The following ELK3 variants were observed in gnomAD, a reference collection of about 807,000 sequenced individuals.
The protein encoded by ELK3 is ETS domain-containing protein Elk-3.
A neutral mutation model predicts 28.9 loss-of-function variants in ELK3; 10 were observed. The ratio of observed to expected loss-of-function variants is 0.35; its 90% CI spans 0.21 to 0.59. The LOEUF is 0.59. Ranked by LOEUF, ELK3 falls within the 20% of genes least tolerant of loss-of-function variation. The pLI, the probability that ELK3 is intolerant of heterozygous loss-of-function variation, is 0.82. For missense variants in ELK3, 463 were observed against 517.3 expected, an observed-to-expected ratio of 0.90 and a Z score of 1.02; for synonymous variants, 272 against 243.5, an observed-to-expected ratio of 1.12 and a Z score of -1.09.
intron 2 of ELK3, among the ~76,000 whole-genome samples, chr12:96,225,186 T>C (rs1209846914): frequency 6.6e-6 from 1 of 152,230 alleles, no homozygotes; most frequent in African/African-American, 2.4e-5. Flanking sequence ...AGGAAAACAC[T>C]CCCGTTGCCT....
intron 2 of ELK3, among the ~76,000 whole-genome samples, chr12:96,233,130 C>T (rs1399177727): frequency 6.6e-6 from 1 of 152,098 alleles, no homozygotes. Flanking sequence ...CTCTGCTGGC[C>T]GAGTTGGCCC....
chr12:96,251,265 G>C (rs1951903581), intron 3 of ELK3, among the ~76,000 whole-genome samples: 1 of 152,112 alleles, frequency 6.6e-6, no homozygotes, highest in Admixed American at 6.5e-5. Flanking sequence ...GTATAAGACA[G>C]CAAACTTGAT....
chr12:96,223,557 C>T lies in ELK3; in HGVS notation c.-2-8C>T. On this transcript the variant is annotated splice_region_variant and splice_polypyrimidine_tract_variant and intron_variant, in intron 1 of 4. Coordinates refer to ENST00000228741, the MANE Select transcript of ELK3 (RefSeq NM_005230.4). ...CAGCAGCTCTGACCTGGCCTCCTCT[C>T]CCTGCAGGTATGGAGAGTGCAATCA... 1 of 1,613,874 alleles carries T rather than the reference C, an allele frequency of 6.2e-7. No homozygotes were observed. Among genetic ancestry groups the T allele is most frequent in the Non-Finnish European group, 8.5e-7 (1 of 1,179,920 alleles).
chr12:96,233,971 C>T (rs1041598907), intron 2 of ELK3, among the ~76,000 whole-genome samples: 2 of 152,170 alleles, frequency 1.3e-5, no homozygotes, highest in African/African-American at 4.8e-5. Context: ...TGGGCTATTG[C>T]CTGGGGGCGC....
At chr12:96,200,492 A>C (rs1951501704) in intron 1 of ELK3, among the ~76,000 whole-genome samples, 1 of 152,016 alleles carries the variant, frequency 6.6e-6, no homozygotes, top group Non-Finnish European at 1.5e-5. Context: ...CATGTCCCCA[A>C]GTGTTTTTTG....
chr12:96,247,471 T>C lies in ELK3; in HGVS notation c.739T>C (p.Ser247Pro). The change falls in exon 3 of 5, where the codon TCC (serine) becomes CCC (proline). Residue 247 changes from serine to proline, a missense_variant. By Grantham distance (74) the Ser-to-Pro change is moderately conservative. Around this residue, in one of 2 missense-constraint regions of ELK3, gnomAD observed 408 missense variants for 414.8 expected, o/e 0.98. Transcript: ENST00000228741. This position sits in a 1 kb window ranked among gnomAD's most constrained non-coding sequence, Gnocchi z 5.5. ...SPFSSRSPSLSPNSPLPSEHR... is the reference protein window; with the variant it reads ...SPFSSRSPSLPPNSPLPSEHR... ...CTTCTCATCTCGGTCCCCGTCCCTGTCCCCCAACTCACCCCTCCCTTCTGA... is the reference window on the plus strand; with the variant it reads ...CTTCTCATCTCGGTCCCCGTCCCTGCCCCCCAACTCACCCCTCCCTTCTGA... 8 of 1,613,756 alleles carry C rather than the reference T, an allele frequency of 5.0e-6. No homozygotes were observed. The highest frequency in any genetic ancestry group is 6.8e-6 in the Non-Finnish European group (8 of 1,179,944).
chr12:96,247,076 C>T lies in ELK3; in HGVS notation c.344C>T (p.Ser115Phe), dbSNP rs773841437. Residue 115 changes from serine to phenylalanine, a missense_variant, in exon 3 of 5, where the codon TCT (serine) becomes TTT (phenylalanine). Around this residue, in one of 2 missense-constraint regions of ELK3, gnomAD observed 408 missense variants for 414.8 expected, o/e 0.98. Coordinates refer to ENST00000228741, the MANE Select transcript of ELK3 (RefSeq NM_005230.4). This position sits in a 1 kb window ranked among gnomAD's most constrained non-coding sequence, Gnocchi z 5.5. ...LLLQDSDCKA[S>F]PEGREAHKHG... is the part of the protein sequence containing the mutation. ...CTGCAGGACAGCGACTGCAAGGCGT[C>T]TCCGGAGGGCCGCGAGGCCCACAAA... 1 of 1,613,934 alleles carries T rather than the reference C, an allele frequency of 6.2e-7. No homozygotes were observed. Among genetic ancestry groups the T allele is most frequent in the Non-Finnish European group, 8.5e-7 (1 of 1,179,986 alleles).
At chr12:96,208,150 C>T in intron 1 of ELK3, among the ~76,000 whole-genome samples, 1 of 152,154 alleles carries the variant, frequency 6.6e-6, no homozygotes, top group Non-Finnish European at 1.5e-5. Context: ...CTCCCAGCTC[C>T]TAGCGATTCT....
At chr12:96,215,956 ATTCT>A (rs547714121) in intron 1 of ELK3, among the ~76,000 whole-genome samples, 85 of 152,270 alleles carry the variant, frequency 5.6e-4, no homozygotes, top group South Asian at 1.7e-3. Flanking sequence ...TCATAACTGC[ATTCT>A]TTAAGTGCAA....
At chr12:96,215,155 A>G (rs1183012604) in intron 1 of ELK3, among the ~76,000 whole-genome samples, 1 of 151,574 alleles carries the variant, frequency 6.6e-6, no homozygotes, top group East Asian at 1.9e-4. Flanking sequence ...ACCACATAGA[A>G]GCTTAAGAAA....
chr12:96,258,614 T>A (rs1951969818), intron 3 of ELK3, among the ~76,000 whole-genome samples: 2 of 152,186 alleles, frequency 1.3e-5, no homozygotes, highest in Admixed American at 1.3e-4. Flanking sequence ...AGGGACTCCT[T>A]CTAGTCACCA....
intron 2 of ELK3, among the ~76,000 whole-genome samples, chr12:96,234,319 A>C (rs1310808248): frequency 6.6e-6 from 1 of 152,156 alleles, no homozygotes; most frequent in African/African-American, 2.4e-5. Context: ...TCGGCTGCCA[A>C]AGCTCTTGCG....
At chr12:96,258,057 C>T (rs944526013) in intron 3 of ELK3, among the ~76,000 whole-genome samples, 6 of 152,194 alleles carry the variant, frequency 3.9e-5, no homozygotes, top group Admixed American at 1.3e-4. Context: ...AACCCTGTAA[C>T]GTGGGCATTT....
At chr12:96,263,968 A>T (rs537089709) in intron 4 of ELK3, among the ~76,000 whole-genome samples, 2 of 152,244 alleles carry the variant, frequency 1.3e-5, no homozygotes, top group South Asian at 2.1e-4. Flanking sequence ...GAACAGGAAG[A>T]TAAGAGGAAA....
chr12:96,218,028 A>G lies in ELK3; in HGVS notation c.-2-5537A>G, dbSNP rs140404417. 7.6e-3 allele frequency among the ~76,000 whole-genome samples: 1,160 copies of G among 151,992 alleles called. 18 individuals are homozygous for G. The highest frequency in any genetic ancestry group is 0.027 in the African/African-American group (1,103 of 41,446). On this transcript the variant is annotated intron_variant, in intron 1 of 4. Coordinates refer to ENST00000228741, the MANE Select transcript of ELK3 (RefSeq NM_005230.4). ...TTTAAAGGAGGTATGCATATGATTC[A>G]CGTTTGACAAGCTGCTCTAAATCAT...
intron 2 of ELK3, among the ~76,000 whole-genome samples, chr12:96,243,343 T>C (rs987594747): frequency 6.6e-6 from 1 of 152,224 alleles, no homozygotes; most frequent in Non-Finnish European, 1.5e-5. Flanking sequence ...TTTGTATAGA[T>C]ATCATGATTC....
intron 2 of ELK3, among the ~76,000 whole-genome samples, chr12:96,244,613 T>C (rs1308003615): frequency 6.6e-6 from 1 of 152,186 alleles, no homozygotes; most frequent in Non-Finnish European, 1.5e-5. Flanking sequence ...TCACTCAGTT[T>C]AGATGAGTGT....
chr12:96,226,375 G>A (rs139212212), intron 2 of ELK3, among the ~76,000 whole-genome samples: 3 of 152,330 alleles, frequency 2.0e-5, no homozygotes, highest in African/African-American at 7.2e-5. Flanking sequence ...GTTGTATCAT[G>A]TAGACTTTGG....
Position 96,268,154 on chromosome 12 carries a change from T to C in ELK3, c.*974T>C, listed in dbSNP as rs1952055181. On this transcript the variant is annotated 3_prime_UTR_variant, in exon 5 of 5. Coordinates refer to ENST00000228741, the MANE Select transcript of ELK3 (RefSeq NM_005230.4). ...AAAAATCTAATGCTTTAGAAGAAGC[T>C]CACAGAGTGGTGATGAACCCAAACA... 1 of 152,236 alleles carries C rather than the reference T, an allele frequency of 6.6e-6. No individual in the cohort carries two copies. The highest frequency in any genetic ancestry group is 2.4e-5 in the African/African-American group (1 of 41,466). 9.4% of individuals were successfully genotyped at this position (152,236 alleles called of 1,614,324 possible). A position where few individuals can be genotyped will look rare whatever the true frequency, so the allele number is the denominator to read the frequency against.
Sources: gnomAD v4.1 joint callset for allele counts (sites outside exome capture counted in the v4.1 genomes callset) on GRCh38, gnomAD v4.1.1 for gene constraint, gnomAD v4.1.1 regional missense constraint, Gnocchi (gnomAD v3.1) non-coding constraint, MANE v1.5 for transcripts, NCBI Gene and HGNC (gene_info 2026-07-23, HGNC 2026-07-21) for gene names.